Variants in AGBL1 observed in about 807,000 individuals in gnomAD.
AGBL1 encodes AGBL carboxypeptidase 1.
Under a neutral mutation model 118.9 loss-of-function variants are expected in AGBL1, and 130 were observed. The ratio of observed to expected loss-of-function variants is 1.09; its 90% confidence interval spans 0.95 to 1.26. AGBL1 has a LOEUF of 1.26. Ranked by LOEUF, AGBL1 falls within the 50% of genes most tolerant of loss-of-function variation. The pLI is 0.00. For synonymous variants in AGBL1, 555 were observed against 478.9 expected, an observed-to-expected ratio of 1.16 and a Z score of -2.08; for missense variants, 1,584 against 1,298.1, an observed-to-expected ratio of 1.22 and a Z score of -3.38.
chr15:86,247,651 G>A lies in AGBL1; in HGVS notation c.527-20G>A, dbSNP rs192822448. The A allele has an allele frequency of 2.0e-4, 315 of 1,578,988 alleles. 3 individuals carry two copies. In the African/African-American group the frequency reaches 3.8e-3, roughly 19 times the overall value. ...CTGTGGAGAGCCTGTGACTGACCCT[G>A]CCTTTCCCTTTGTTTTCAGAGTCGA... On this transcript the variant is annotated intron_variant, in intron 6 of 22. Transcript: ENST00000614907.
chr15:86,779,928 C>T (rs2078309610), intron 22 of AGBL1, among the ~76,000 whole-genome samples: 1 of 106,314 alleles, frequency 9.4e-6, no homozygotes, highest in Non-Finnish European at 2.5e-5. Context: ...CCAACACACA[C>T]ACACACACAC....
chr15:86,868,133 G>A (rs535313131), intron 22 of AGBL1, among the ~76,000 whole-genome samples: 19 of 152,126 alleles, frequency 1.2e-4, no homozygotes, highest in African/African-American at 4.3e-4. Context: ...GTTGAACATC[G>A]GTCATCAGGT....
intron 21 of AGBL1, among the ~76,000 whole-genome samples, chr15:86,633,565 T>G (rs2085014882): frequency 6.6e-6 from 1 of 151,996 alleles, no homozygotes; most frequent in Non-Finnish European, 1.5e-5. Context: ...AGCAGAATTT[T>G]TATTTTAAAT....
chr15:87,029,506 C>CAAT (rs5814270), downstream of AGBL1, among the ~76,000 whole-genome samples: 69,753 of 151,278 alleles, frequency 0.46, 18,565 homozygotes, highest in African/African-American at 0.74. Flanking sequence ...ATAACAACAA[C>CAAT]GACAGCAACA....
chr15:86,226,898 G>T lies in AGBL1; in HGVS notation c.526+1947G>T, dbSNP rs189240853. Among the ~76,000 whole-genome samples the T allele has an allele frequency of 7.1e-4, 108 of 152,264 alleles. 2 individuals are homozygous for T. In the East Asian group the frequency reaches 0.02, roughly 29 times the overall value. ...CATTGTGATGAAATTGCTATTGTCT[G>T]TCTCTTCCAGCAGACTGCAAGCTTT... On this transcript the variant is annotated intron_variant, in intron 6 of 22. Coordinates refer to ENST00000614907, the MANE Select transcript of AGBL1 (RefSeq NM_001386094.1).
chr15:86,626,343 C>T (rs1178056809), intron 21 of AGBL1, among the ~76,000 whole-genome samples: 1 of 152,126 alleles, frequency 6.6e-6, no homozygotes, highest in African/African-American at 2.4e-5. Context: ...AAGAACGAGA[C>T]CATGTCCTTT....
At chr15:86,946,135 C>G (rs1165002906) in intron 23 of AGBL1, 1 of 152,158 alleles carries the variant, frequency 6.6e-6, no homozygotes, top group Non-Finnish European at 1.5e-5. Context: ...AGACAGCAAC[C>G]TAGGTTCATC....
chr15:86,327,220 G>A (rs773553123), intron 17 of AGBL1, among the ~76,000 whole-genome samples: 4 of 152,298 alleles, frequency 2.6e-5, no homozygotes, highest in Non-Finnish European at 5.9e-5. Context: ...AATGTGGAGG[G>A]TGTGCATGAC....
At chr15:86,650,589 A>T (rs1158717145) in intron 21 of AGBL1, among the ~76,000 whole-genome samples, 1 of 152,178 alleles carries the variant, frequency 6.6e-6, no homozygotes, top group Non-Finnish European at 1.5e-5. Flanking sequence ...TTCAGTCCAC[A>T]TGAGACTCTC....
chr15:86,946,512 A>C (rs1354037260), intron 23 of AGBL1, among the ~76,000 whole-genome samples: 1 of 152,106 alleles, frequency 6.6e-6, no homozygotes, highest in Non-Finnish European at 1.5e-5. Context: ...TAGACTCACT[A>C]TGATTATTTC....
intron 22 of AGBL1, among the ~76,000 whole-genome samples, chr15:86,878,400 T>A (rs1462833488): frequency 6.6e-6 from 1 of 152,118 alleles, no homozygotes; most frequent in Non-Finnish European, 1.5e-5. Flanking sequence ...TGGGCCAGAT[T>A]TATGTTGCAG....
chr15:86,988,996 CTT>C (rs762271338), intron 24 of AGBL1, among the ~76,000 whole-genome samples: 5,194 of 114,180 alleles, frequency 0.045, 131 homozygotes, highest in Middle Eastern at 0.086. Flanking sequence ...TTTCCCCCTG[CTT>C]TTTTTTTTTT....
chr15:86,749,240 G>A (rs2077808336), intron 22 of AGBL1, among the ~76,000 whole-genome samples: 1 of 152,102 alleles, frequency 6.6e-6, no homozygotes, highest in Non-Finnish European at 1.5e-5. Flanking sequence ...CTTGGAAGTT[G>A]GATTCCTAAG....
At chr15:86,670,301 G>A (rs535217836) in intron 21 of AGBL1, among the ~76,000 whole-genome samples, 89 of 152,030 alleles carry the variant, frequency 5.9e-4, no homozygotes, top group Non-Finnish European at 9.1e-4. Context: ...TCAGCACTGA[G>A]TATTATAAGT....
At chr15:86,286,742 T>C (rs1308190819) in intron 16 of AGBL1, among the ~76,000 whole-genome samples, 1 of 144,432 alleles carries the variant, frequency 6.9e-6, no homozygotes, top group Non-Finnish European at 1.5e-5. Context: ...TGTGTATATA[T>C]ATATATAAAA....
At chr15:86,590,650 G>A (rs554281885) in intron 21 of AGBL1, among the ~76,000 whole-genome samples, 1 of 152,314 alleles carries the variant, frequency 6.6e-6, no homozygotes, top group African/African-American at 2.4e-5. Flanking sequence ...AACCCTCAGA[G>A]ACAATAGATA....
intron 23 of AGBL1, among the ~76,000 whole-genome samples, chr15:86,968,863 A>G (rs1255837851): frequency 1.3e-5 from 2 of 151,900 alleles, no homozygotes; most frequent in African/African-American, 4.8e-5. Context: ...GACCCCTTGT[A>G]GCTTTCTCAC....
At chr15:86,406,762 A>G (rs2081535717) in intron 18 of AGBL1, among the ~76,000 whole-genome samples, 1 of 152,238 alleles carries the variant, frequency 6.6e-6, no homozygotes, top group African/African-American at 2.4e-5. Context: ...TATATTTTGT[A>G]GTATAATTTA....
intron 22 of AGBL1, among the ~76,000 whole-genome samples, chr15:86,857,829 C>T (rs932016567): frequency 1.3e-5 from 2 of 152,190 alleles, no homozygotes; most frequent in South Asian, 2.1e-4. Flanking sequence ...TGAGTTAATC[C>T]ACTCCAGTCG....
Sources: allele counts gnomAD v4.1 joint callset (sites outside exome capture counted in the v4.1 genomes callset), GRCh38; gene constraint gnomAD v4.1.1; transcripts MANE v1.5; gene names NCBI Gene and HGNC (gene_info 2026-07-23, HGNC 2026-07-21).